Variants in UQCC1 observed in about 807,000 individuals in gnomAD.
The protein encoded by UQCC1 is bFGF-repressed Zic-binding protein.
UQCC1 carries 38 observed loss-of-function variants against 48.0 expected under a neutral mutation model. The ratio of observed to expected loss-of-function variants is 0.79; its 90% CI spans 0.61 to 1.04. The LOEUF is 1.04. UQCC1 is among the 50% of genes least tolerant of loss of function. The pLI, the probability that UQCC1 is intolerant of heterozygous loss-of-function variation, is 0.00. For missense variants in UQCC1, 368 were observed against 381.8 expected (o/e 0.96, Z 0.30); for synonymous variants, 111 against 129.2 (o/e 0.86, Z 0.95).
intron 1 of UQCC1, among the ~76,000 whole-genome samples, chr20:35,394,558 C>T (rs771965252): frequency 6.6e-6 from 1 of 152,072 alleles, no homozygotes; most frequent in Non-Finnish European, 1.5e-5. Context: ...ATCACTGGTA[C>T]CCAGTGATTT....
chr20:35,384,695 G>A, intron 2 of UQCC1: 2 of 447,198 alleles, frequency 4.5e-6, no homozygotes, highest in Middle Eastern at 3.8e-4. Flanking sequence ...AAGGCCAGGT[G>A]GCGTGGCTCA....
intron 6 of UQCC1, among the ~76,000 whole-genome samples, chr20:35,360,756 C>T (rs1170986178): frequency 1.3e-5 from 2 of 152,118 alleles, no homozygotes; most frequent in Non-Finnish European, 2.9e-5. Context: ...TTACCTGTGG[C>T]CTCTCCCAGG....
At chr20:35,396,912 G>A (rs2146522045) in intron 1 of UQCC1, among the ~76,000 whole-genome samples, 1 of 152,234 alleles carries the variant, frequency 6.6e-6, no homozygotes, top group South Asian at 2.1e-4. Context: ...ACCTTATAGG[G>A]CCATAATGAG....
At chr20:35,393,771 A>G (rs1242040133) in intron 2 of UQCC1, among the ~76,000 whole-genome samples, 1 of 152,094 alleles carries the variant, frequency 6.6e-6, no homozygotes, top group Non-Finnish European at 1.5e-5. Context: ...ATCACGCCCA[A>G]ATAAAAGTAG....
chr20:35,348,263 C>T (rs759447051), intron 6 of UQCC1, among the ~76,000 whole-genome samples: 13 of 152,308 alleles, frequency 8.5e-5, no homozygotes, highest in South Asian at 2.1e-4. Context: ...CAAGACCTCA[C>T]ATAATCTAAA....
At chr20:35,407,941 G>T (rs916275560) in intron 1 of UQCC1, among the ~76,000 whole-genome samples, 2 of 152,086 alleles carry the variant, frequency 1.3e-5, no homozygotes, top group Admixed American at 1.3e-4. Flanking sequence ...AGAATCACTT[G>T]AACTCAGGAG....
chr20:35,406,092 G>GA (rs1391102908), intron 1 of UQCC1, among the ~76,000 whole-genome samples: 7 of 151,356 alleles, frequency 4.6e-5, no homozygotes, highest in East Asian at 3.9e-4. Context: ...AACAAAAAAA[G>GA]AAAAAAAAGA....
In UQCC1 at chr20:35,332,087, G is replaced by C. The variant is rs544460958; in HGVS notation, c.573+15077C>G. 1.3e-3 allele frequency among the ~76,000 whole-genome samples: 198 copies of C among 152,342 alleles called. 4 individuals carry two copies. Among genetic ancestry groups the C allele is most frequent in the African/African-American group, 4.4e-3 (184 of 41,584 alleles). On this transcript the variant is annotated intron_variant, in intron 7 of 9. Transcript: ENST00000374385. Reference sequence around the variant, plus strand: ...GTCTGGCTCCAAAGACCACATGACAGGAAAAGAACTGTTTGGAAAACTGGG... The same window carrying C: ...GTCTGGCTCCAAAGACCACATGACACGAAAAGAACTGTTTGGAAAACTGGG...
intron 1 of UQCC1, among the ~76,000 whole-genome samples, chr20:35,405,791 G>A (rs1248651952): frequency 6.6e-6 from 1 of 152,240 alleles, no homozygotes; most frequent in Admixed American, 6.5e-5. Context: ...AGAAGGCTGA[G>A]GCGGGAGAAT....
rs1161912701 is a variant in UQCC1, at chr20:35,316,086, T to C, written c.574-1321A>G. Among the ~76,000 whole-genome samples, 3 of 152,170 alleles carry C rather than the reference T, an allele frequency of 2.0e-5. No homozygotes were observed. The East Asian group carries it at 5.8e-4, about 29-fold the overall frequency. ...ACACGCTGTAAGGCAGGGTCCACGT[T>C]TTATTCCTCTTCAGGATCCCAGCAG... On this transcript the variant is annotated intron_variant, in intron 7 of 9. Transcript: ENST00000374385.
intron 7 of UQCC1, among the ~76,000 whole-genome samples, chr20:35,321,283 T>TGTGCGCGC (rs1389196330): frequency 7.8e-5 from 11 of 141,592 alleles, no homozygotes; most frequent in African/African-American, 3.2e-4. Context: ...TGTGTGTGTG[T>TGTGCGCGC]GCGCGCGCGC....
At chr20:35,354,482 C>T (rs997293809) in intron 6 of UQCC1, among the ~76,000 whole-genome samples, 17 of 151,602 alleles carry the variant, frequency 1.1e-4, no homozygotes, top group South Asian at 2.1e-4. Context: ...CTGCAAGCTC[C>T]GCCTCCTGGG....
intron 6 of UQCC1, among the ~76,000 whole-genome samples, chr20:35,364,658 A>G (rs183324629): frequency 8.5e-5 from 13 of 152,284 alleles, no homozygotes; most frequent in African/African-American, 1.9e-4. Context: ...CCCTCTCTCA[A>G]TTGAACTGGG....
At position 35,315,960 on chromosome 20, in the gene UQCC1, C is replaced by T. The variant is rs116541722; in HGVS notation, c.574-1195G>A. Among the ~76,000 whole-genome samples, 1,176 of 152,290 alleles carry T rather than the reference C, an allele frequency of 7.7e-3. 18 individuals carry two copies. Among genetic ancestry groups the T allele is most frequent in the African/African-American group, 0.027 (1,127 of 41,550 alleles). On this transcript the variant is annotated intron_variant, in intron 7 of 9. Coordinates refer to ENST00000374385, the MANE Select transcript of UQCC1 (RefSeq NM_018244.5). Reference sequence around the variant, plus strand: ...TGGTTGAGAGCCCAGTAGAACTCCTCTCTCCTCTTGGGGAACAGCCTGGCC... The same window carrying T: ...TGGTTGAGAGCCCAGTAGAACTCCTTTCTCCTCTTGGGGAACAGCCTGGCC...
intron 7 of UQCC1, among the ~76,000 whole-genome samples, chr20:35,328,306 C>T (rs2061219522): frequency 1.3e-5 from 2 of 152,182 alleles, no homozygotes; most frequent in Non-Finnish European, 2.9e-5. Context: ...ATTAATCACT[C>T]TGAGCCTCAG....
Position 35,383,201 on chromosome 20 carries a change from T to C in UQCC1, c.225+837A>G, listed in dbSNP as rs138523195. Among the ~76,000 whole-genome samples the C allele has an allele frequency of 7.2e-4, 110 of 152,332 alleles. 1 individual carries two copies. The East Asian group carries it at 0.019, about 26-fold the overall frequency. The stretch of plus-strand genomic sequence containing the variant: ...AAATTTTATTAATGACTACAGAGTC[T>C]TGTAGTTTGCAAATAACCTCCAAGG... On this transcript the variant is annotated intron_variant, in intron 3 of 9. Transcript: ENST00000374385.
At chr20:35,376,513 C>A (rs1310038827) in intron 4 of UQCC1, among the ~76,000 whole-genome samples, 1 of 152,066 alleles carries the variant, frequency 6.6e-6, no homozygotes, top group Non-Finnish European at 1.5e-5. Context: ...TGGACAAATT[C>A]CTTGAAAGAT....
chr20:35,387,563 G>T (rs769123960), intron 2 of UQCC1, among the ~76,000 whole-genome samples: 2 of 150,676 alleles, frequency 1.3e-5, no homozygotes, highest in Non-Finnish European at 3.0e-5. Context: ...TCCAAAAAAA[G>T]AACCACAGGA....
At chr20:35,341,644 G>T (rs889080615) in intron 7 of UQCC1, among the ~76,000 whole-genome samples, 3 of 152,206 alleles carry the variant, frequency 2.0e-5, no homozygotes, top group Non-Finnish European at 4.4e-5. Context: ...AATAGAAAGA[G>T]TAAGAGCTGG....
Sources: allele counts gnomAD v4.1 joint callset (sites outside exome capture counted in the v4.1 genomes callset), GRCh38; gene constraint gnomAD v4.1.1; transcripts MANE v1.5; gene names NCBI Gene and HGNC (gene_info 2026-07-23, HGNC 2026-07-21).